The following PTDSS1 variants were observed in gnomAD, a reference collection of about 807,000 sequenced individuals.
The protein encoded by PTDSS1 is phosphatidylserine synthase 1.
PTDSS1 carries 45 observed loss-of-function variants against 70.5 expected under a neutral mutation model. The ratio of observed to expected loss-of-function variants is 0.64; its 90% CI spans 0.50 to 0.82. PTDSS1 has a LOEUF of 0.82. Among genes scored for constraint, PTDSS1 ranks in the 40% least tolerant of loss-of-function variants. PTDSS1 has a pLI of 0.00. For missense variants in PTDSS1, 417 were observed against 586.1 expected (o/e 0.71, Z 2.98); for synonymous variants, 188 against 203.8 (o/e 0.92, Z 0.66).
chr8:96,269,404 C>A (rs1810531017), intron 1 of PTDSS1, among the ~76,000 whole-genome samples: 1 of 152,174 alleles, frequency 6.6e-6, no homozygotes, highest in Admixed American at 6.5e-5. Flanking sequence ...CAGACTGGGG[C>A]ATTTTGTTGT....
intron 6 of PTDSS1, among the ~76,000 whole-genome samples, chr8:96,300,204 C>T (rs1811031765): frequency 6.6e-6 from 1 of 152,154 alleles, no homozygotes; most frequent in African/African-American, 2.4e-5. Flanking sequence ...TCCAGTCCTT[C>T]CCACACCATT....
Position 96,325,026 on chromosome 8 carries a change from C to G in PTDSS1, c.1173+4681C>G, listed in dbSNP as rs529213688. Among the ~76,000 whole-genome samples the G allele has an allele frequency of 3.3e-5, 5 of 152,200 alleles. No homozygotes were observed. In the South Asian group the frequency reaches 1.0e-3, roughly 31 times the overall value. The stretch of plus-strand genomic sequence containing the variant: ...GCTCTTCCGTGCTGTGCCTGGGGCT[C>G]TAGCCACACAGATAGATGACGGTGA... On this transcript the variant is annotated intron_variant, in intron 10 of 12. Coordinates refer to ENST00000517309, the MANE Select transcript of PTDSS1 (RefSeq NM_014754.3).
At chr8:96,312,282 C>T (rs1231675211) in intron 9 of PTDSS1, among the ~76,000 whole-genome samples, 1 of 152,130 alleles carries the variant, frequency 6.6e-6, no homozygotes, top group Non-Finnish European at 1.5e-5. Context: ...GAGACGTTGT[C>T]TCCACAAAAA....
rs1394423763 is a variant in PTDSS1, at chr8:96,320,234, C to CTT, written c.1074-11_1074-10insTT. ...TGGATTAATACTTAACCTCTGTTCT[C>CTT]TGTCTAATTAGGGTCATTGGTTTCC... is the stretch of plus-strand genomic sequence containing the variant. On this transcript the variant is annotated splice_polypyrimidine_tract_variant and intron_variant, in intron 9 of 12. Transcript: ENST00000517309. The CTT allele has an allele frequency of 1.3e-6, 2 of 1,575,182 alleles. No homozygotes were observed. Among genetic ancestry groups the CTT allele is most frequent in the Non-Finnish European group, 1.7e-6 (2 of 1,144,782 alleles).
chr8:96,262,326 C>T lies in PTDSS1; in HGVS notation c.179+107C>T. On this transcript the variant is annotated intron_variant, in intron 1 of 12. Transcript: ENST00000517309. The surrounding 1 kb of genome is among the most constrained non-coding windows in gnomAD (Gnocchi z 4.4). ...GCATGGCTCTGGGTGAGGAAGTGGG[C>T]TGGCTGCTCCACGCACACGCACTGG... The T allele has an allele frequency of 1.5e-6, 2 of 1,356,066 alleles. No individual in the cohort carries two copies. Among genetic ancestry groups the T allele is most frequent in the Non-Finnish European group, 2.0e-6 (2 of 1,009,704 alleles). The allele number at this position is 1,356,066 out of a possible 1,614,324, so 84.0% of individuals were successfully genotyped here.
At chr8:96,274,559 C>T (rs1810613322) in intron 2 of PTDSS1, among the ~76,000 whole-genome samples, 1 of 152,146 alleles carries the variant, frequency 6.6e-6, no homozygotes, top group Admixed American at 6.5e-5. Context: ...AACCCCGTCT[C>T]TACTAAAAAT....
At chr8:96,288,625 C>CTTTTTTTTTT (rs777705401) in intron 4 of PTDSS1, among the ~76,000 whole-genome samples, 4 of 84,648 alleles carry the variant, frequency 4.7e-5, no homozygotes, top group African/African-American at 2.3e-4. Flanking sequence ...CACGCTTGGC[C>CTTTTTTTTTT]TTTTTTTTTT....
At chr8:96,290,256 C>T (rs28736524) in intron 4 of PTDSS1, among the ~76,000 whole-genome samples, 11,123 of 152,154 alleles carry the variant, frequency 0.073, 450 homozygotes, top group African/African-American at 0.082. Context: ...AGAAAGATAC[C>T]CCAAGTGTAA....
intron 3 of PTDSS1, among the ~76,000 whole-genome samples, chr8:96,285,046 G>A (rs546330379): frequency 6.6e-6 from 1 of 152,368 alleles, no homozygotes; most frequent in Admixed American, 6.5e-5. Flanking sequence ...AGGACAGCTA[G>A]TAAACAAACT....
intron 9 of PTDSS1, 82 bp from the exon 10 acceptor site, chr8:96,320,164 C>A: frequency 8.2e-7 from 1 of 1,223,344 alleles, no homozygotes; most frequent in Non-Finnish European, 1.2e-6. Context: ...TGAACTTTTT[C>A]ATTCAATCAT....
chr8:96,297,857 G>A (rs1246276085), intron 5 of PTDSS1, among the ~76,000 whole-genome samples: 1 of 152,266 alleles, frequency 6.6e-6, no homozygotes, highest in African/African-American at 2.4e-5. Flanking sequence ...CCATGCCTAT[G>A]TATTCCCAGA....
intron 9 of PTDSS1, among the ~76,000 whole-genome samples, chr8:96,317,178 G>A (rs765495236): frequency 1.4e-4 from 21 of 151,854 alleles, no homozygotes; most frequent in Non-Finnish European, 2.5e-4. Flanking sequence ...GCCTACGGGT[G>A]GCCTTCCAGG....
chr8:96,325,516 GCTTCCTGTC>G (rs1301395023), intron 10 of PTDSS1, among the ~76,000 whole-genome samples: 1 of 152,134 alleles, frequency 6.6e-6, no homozygotes, highest in Non-Finnish European at 1.5e-5. Context: ...CCTGGAGGCT[GCTTCCTGTC>G]CTCCATCACT....
chr8:96,323,608 G>C (rs1350505849), intron 10 of PTDSS1, among the ~76,000 whole-genome samples: 2 of 152,152 alleles, frequency 1.3e-5, no homozygotes, highest in Non-Finnish European at 2.9e-5. Context: ...GGTAGCCCTG[G>C]TCAGTGAGCC....
At chr8:96,306,124 C>T (rs1441116151) in intron 7 of PTDSS1, among the ~76,000 whole-genome samples, 1 of 152,166 alleles carries the variant, frequency 6.6e-6, no homozygotes, top group Non-Finnish European at 1.5e-5. Flanking sequence ...CATTTCTCTC[C>T]CGACTATCCC....
rs976953970 is a variant in PTDSS1 at position 96,334,055 on chromosome 8, G to A, written c.*489G>A. The A allele has an allele frequency of 9.7e-6, 4 of 411,014 alleles. No homozygotes were observed. Among genetic ancestry groups the A allele is most frequent in the Non-Finnish European group, 1.7e-5 (4 of 232,420 alleles). 25.5% of individuals were successfully genotyped at this position (411,014 alleles called of 1,614,324 possible). On this transcript the variant is annotated 3_prime_UTR_variant, in exon 13 of 13. Coordinates refer to ENST00000517309, the MANE Select transcript of PTDSS1 (RefSeq NM_014754.3). ...TTTTATTTGGTTACTGTTGTTATTT[G>A]TTTTTAAGTTAGGATGCTTTTTAAC...
At chr8:96,333,339 G>C (rs1238858962) in intron 12 of PTDSS1, 118 bp from the exon 13 acceptor site, 2 of 819,678 alleles carry the variant, frequency 2.4e-6, no homozygotes, top group Non-Finnish European at 4.1e-6. Context: ...AGGCCACTAG[G>C]GGGAGTGCAC....
intron 1 of PTDSS1, among the ~76,000 whole-genome samples, chr8:96,270,967 G>A (rs1195564480): frequency 1.3e-5 from 2 of 152,134 alleles, no homozygotes; most frequent in African/African-American, 4.8e-5. Flanking sequence ...ATTTTGATTG[G>A]TAGATAATTT....
chr8:96,289,881 T>C (rs1268141107), intron 4 of PTDSS1, among the ~76,000 whole-genome samples: 1 of 152,164 alleles, frequency 6.6e-6, no homozygotes, highest in Non-Finnish European at 1.5e-5. Flanking sequence ...AAAGTCTGTT[T>C]TGGAATTTTT....
Sources: allele counts gnomAD v4.1 joint callset (sites outside exome capture counted in the v4.1 genomes callset), GRCh38; gene constraint gnomAD v4.1.1; non-coding constraint Gnocchi (gnomAD v3.1); transcripts MANE v1.5; gene names NCBI Gene and HGNC (gene_info 2026-07-23, HGNC 2026-07-21).